Variants in DEAF1 observed in about 807,000 individuals in gnomAD.
DEAF1 encodes deformed epidermal autoregulatory factor 1 homolog.
In DEAF1, 53 loss-of-function variants were observed where a neutral mutation model predicts 58.9. The ratio of observed to expected loss-of-function variants is 0.90; its 90% confidence interval spans 0.72 to 1.13. The LOEUF is 1.13. DEAF1 is among the 50% of genes most tolerant of loss of function. The pLI is 0.00. For missense variants in DEAF1, 685 were observed against 791.4 expected (o/e 0.87, Z 1.61); for synonymous variants, 385 against 340.4 (o/e 1.13, Z -1.44).
chr11:693,835 A>G (rs1252204735), intron 1 of DEAF1, among the ~76,000 whole-genome samples: 1 of 152,174 alleles, frequency 6.6e-6, no homozygotes, highest in Non-Finnish European at 1.5e-5. Flanking sequence ...AAAAATGTGG[A>G]CTGGAAAGCC....
intron 10 of DEAF1, among the ~76,000 whole-genome samples, chr11:660,187 A>G (rs1318123176): frequency 6.6e-6 from 1 of 152,268 alleles, no homozygotes; most frequent in African/African-American, 2.4e-5. Flanking sequence ...AAAACCCTCA[A>G]AACATCAAGC....
In DEAF1 at chr11:670,780, T is replaced by C. The variant is rs867833996; in HGVS notation, c.1503+3756A>G. Among the ~76,000 whole-genome samples, 73 of 136,486 alleles carry C rather than the reference T, an allele frequency of 5.3e-4. 7 individuals carry two copies. Among genetic ancestry groups the C allele is most frequent in the African/African-American group, 1.4e-3 (54 of 37,552 alleles). 89.5% of individuals were successfully genotyped at this position (136,486 alleles called of 152,430 possible). A position where few individuals can be genotyped will look rare whatever the true frequency, so the allele number is the denominator to read the frequency against. ...TTTCTTTTTTCTTTTTGTTTTTGTT[T>C]TTTTTTTTTTTTTTTGAGACGAGGT... is the stretch of plus-strand genomic sequence containing the variant. On this transcript the variant is annotated intron_variant, in intron 10 of 11. Transcript: ENST00000382409.
chr11:649,737 A>G (rs958365364), intron 11 of DEAF1, among the ~76,000 whole-genome samples: 2 of 151,858 alleles, frequency 1.3e-5, no homozygotes, highest in Non-Finnish European at 2.9e-5. Context: ...AAAACAAAAC[A>G]GGCCGAGTTC....
In DEAF1 at chr11:678,478, C is replaced by A. The variant is rs1312601672; in HGVS notation, c.1255+216G>T. 6 of 616,162 alleles carry A rather than the reference C, an allele frequency of 9.7e-6. No individual in the cohort carries two copies. The East Asian group carries it at 1.8e-4, about 19-fold the overall frequency. The allele number at this position is 616,162 out of a possible 1,614,324, so 38.2% of individuals were successfully genotyped here. A position where few individuals can be genotyped will look rare whatever the true frequency, so the allele number is the denominator to read the frequency against. ...TGCCCTGCTGCTGTACCAAAAGCAA[C>A]TTCCACAGCACACACATGAATGGAC... On this transcript the variant is annotated intron_variant, in intron 9 of 11. Transcript: ENST00000382409.
chr11:668,051 G>T (rs1446848548), intron 10 of DEAF1, among the ~76,000 whole-genome samples: 1 of 152,200 alleles, frequency 6.6e-6, no homozygotes, highest in Non-Finnish European at 1.5e-5. Flanking sequence ...AATGGAGGTT[G>T]CAGTGAGCGG....
chr11:655,127 C>CTCCA (rs1254518465), intron 10 of DEAF1, among the ~76,000 whole-genome samples: 2 of 147,686 alleles, frequency 1.4e-5, no homozygotes, highest in Non-Finnish European at 2.9e-5. Flanking sequence ...AGGAGCTTCA[C>CTCCA]TCCAGCCAGG....
chr11:679,579 C>G, intron 8 of DEAF1, 109 bp downstream of exon 8: 1 of 1,544,816 alleles, frequency 6.5e-7, no homozygotes, highest in Non-Finnish European at 8.8e-7. Context: ...GGTTCAAGGC[C>G]CCTCTCGAGG....
intron 1 of DEAF1, chr11:701,013 C>G: frequency 2.2e-6 from 1 of 451,298 alleles, no homozygotes; most frequent in Non-Finnish European, 4.1e-6. Flanking sequence ...ACATCTGGAG[C>G]TCCGGAATAT....
intron 10 of DEAF1, among the ~76,000 whole-genome samples, chr11:657,364 C>T (rs995901753): frequency 2.0e-5 from 3 of 152,124 alleles, no homozygotes; most frequent in African/African-American, 4.8e-5. Flanking sequence ...CATCAGGGGA[C>T]CCAGGAGCCG....
chr11:702,250 T>C (rs7479861), intron 1 of DEAF1, among the ~76,000 whole-genome samples: 56,037 of 152,150 alleles, frequency 0.37, 11,994 homozygotes, highest in South Asian at 0.49. Flanking sequence ...TGTCTGCACT[T>C]ACGTCCCAGA....
At chr11:662,362 G>A (rs1859355673) in intron 10 of DEAF1, among the ~76,000 whole-genome samples, 1 of 152,236 alleles carries the variant, frequency 6.6e-6, no homozygotes, top group Non-Finnish European at 1.5e-5. Flanking sequence ...GAAGAGAAAA[G>A]ATTGGACACC....
chr11:648,255 C>T (rs1170667709), intron 11 of DEAF1, among the ~76,000 whole-genome samples: 2 of 144,048 alleles, frequency 1.4e-5, no homozygotes, highest in Admixed American at 7.2e-5. Context: ...AGTGCTGTGG[C>T]ACGATCTCGG....
chr11:674,479 A>G (rs1859966915), intron 10 of DEAF1, 57 bp downstream of exon 10: 4 of 1,612,046 alleles, frequency 2.5e-6, no homozygotes, highest in South Asian at 1.1e-5. Flanking sequence ...CACAGGCACC[A>G]GGGTGGCCTG....
intron 10 of DEAF1, among the ~76,000 whole-genome samples, chr11:656,717 C>G (rs983152564): frequency 6.6e-6 from 1 of 152,234 alleles, no homozygotes; most frequent in Non-Finnish European, 1.5e-5. Context: ...CACACCAGGA[C>G]GTCCTGTACT....
At chr11:693,325 A>AT (rs1226189043) in intron 1 of DEAF1, among the ~76,000 whole-genome samples, 1 of 152,150 alleles carries the variant, frequency 6.6e-6, no homozygotes, top group Non-Finnish European at 1.5e-5. Context: ...TGAGAGTCAC[A>AT]AAGCCTTCCC....
chr11:673,228 C>A (rs988518242), intron 10 of DEAF1, among the ~76,000 whole-genome samples: 2 of 151,614 alleles, frequency 1.3e-5, no homozygotes, highest in African/African-American at 4.9e-5. Context: ...ATAAAAAGTT[C>A]TTCTATAAAA....
intron 11 of DEAF1, among the ~76,000 whole-genome samples, chr11:645,879 C>T (rs1246965733): frequency 6.6e-6 from 1 of 152,192 alleles, no homozygotes; most frequent in Non-Finnish European, 1.5e-5. Flanking sequence ...ACGTATATGA[C>T]ACACAGAGCA....
chr11:666,140 T>A (rs1859512291), intron 10 of DEAF1: 1 of 152,132 alleles, frequency 6.6e-6, no homozygotes, highest in Admixed American at 6.6e-5. Flanking sequence ...GCTTCGCAGA[T>A]CCAAGACTAA....
At chr11:704,987 C>G (rs1055779334) in intron 1 of DEAF1, 3 of 269,356 alleles carry the variant, frequency 1.1e-5, no homozygotes, top group African/African-American at 2.2e-5. Context: ...AGCAGGATCA[C>G]GGCAGGTTCC....
Sources: allele counts gnomAD v4.1 joint callset (sites outside exome capture counted in the v4.1 genomes callset), GRCh38; gene constraint gnomAD v4.1.1; transcripts MANE v1.5; gene names NCBI Gene and HGNC (gene_info 2026-07-23, HGNC 2026-07-21).